Variants in RORA observed in about 807,000 individuals in gnomAD.
The protein encoded by RORA is nuclear receptor ROR-alpha.
In RORA, 7 loss-of-function variants were observed where a neutral mutation model predicts 69.5. The ratio of observed to expected loss-of-function variants is 0.10; its 90% CI spans 0.06 to 0.19. The LOEUF is 0.19. RORA is among the 10% of genes least tolerant of loss of function. The pLI is 1.00. For synonymous variants in RORA, 261 were observed against 240.8 expected, an observed-to-expected ratio of 1.08 and a Z score of -0.78; for missense variants, 457 against 663.0, an observed-to-expected ratio of 0.69 and a Z score of 3.41.
chr15:61,070,703 C>A (rs2078329031), intron 1 of RORA, among the ~76,000 whole-genome samples: 1 of 152,172 alleles, frequency 6.6e-6, no homozygotes, highest in Admixed American at 6.5e-5. Flanking sequence ...ACTGAAGCTC[C>A]AAAAGGTTTA....
Position 60,660,563 on chromosome 15 carries a change from C to T in RORA, c.196+18094G>A, listed in dbSNP as rs118167072. ...GAAATCTACCTGCATATGCTGGCAA[C>T]GAGGACATCTTTGAAAACAGAGCTA... On this transcript the variant is annotated intron_variant, in intron 2 of 10. Transcript: ENST00000335670. 5.8e-4 allele frequency among the ~76,000 whole-genome samples: 88 copies of T among 152,226 alleles called. 2 individuals are homozygous for T. The East Asian group carries it at 0.016, about 27-fold the overall frequency.
At chr15:60,910,274 T>C (rs1891666267) in intron 1 of RORA, among the ~76,000 whole-genome samples, 1 of 152,172 alleles carries the variant, frequency 6.6e-6, no homozygotes, top group Non-Finnish European at 1.5e-5. Flanking sequence ...CTGACTGGAT[T>C]CCCTAAACCA....
rs750899353 is a variant in RORA, at chr15:61,131,782, A to C, written c.166+97271T>G. Among the ~76,000 whole-genome samples the C allele has an allele frequency of 1.3e-5, 2 of 152,240 alleles. No individual in the cohort carries two copies. Among genetic ancestry groups the C allele is most frequent in the Non-Finnish European group, 2.9e-5 (2 of 68,040 alleles). On this transcript the variant is annotated intron_variant, in intron 1 of 10. Coordinates refer to ENST00000335670, the MANE Select transcript of RORA (RefSeq NM_134261.3). The surrounding 1 kb of genome is among the most constrained non-coding windows in gnomAD (Gnocchi z 4.2). ...AGGGCTGGGGAAGGAGTAGGGCAGG[A>C]GTGAGAAAAATGAAACTGGACTCCA...
chr15:60,757,004 T>C (rs2071811240), intron 1 of RORA, among the ~76,000 whole-genome samples: 1 of 152,242 alleles, frequency 6.6e-6, no homozygotes, highest in African/African-American at 2.4e-5. Flanking sequence ...ATAAAATCTT[T>C]AATATACACT....
intron 1 of RORA, among the ~76,000 whole-genome samples, chr15:61,058,230 G>A (rs2078122773): frequency 6.6e-6 from 1 of 152,230 alleles, no homozygotes; most frequent in South Asian, 2.1e-4. Context: ...TTTTAGATGA[G>A]GGAAATATAG....
At chr15:61,053,530 T>C (rs1214893486) in intron 1 of RORA, among the ~76,000 whole-genome samples, 2 of 151,944 alleles carry the variant, frequency 1.3e-5, no homozygotes, top group Non-Finnish European at 2.9e-5. Flanking sequence ...CAGCTACAAA[T>C]GGGCAGATGC....
intron 1 of RORA, among the ~76,000 whole-genome samples, chr15:60,747,478 T>G (rs910078939): frequency 6.6e-6 from 1 of 152,224 alleles, no homozygotes; most frequent in African/African-American, 2.4e-5. Context: ...TTAGCCTCGA[T>G]CTATTAAATA....
intron 1 of RORA, among the ~76,000 whole-genome samples, chr15:60,773,354 T>C (rs11633029): frequency 0.2 from 30,967 of 152,066 alleles, 3,692 homozygotes; most frequent in African/African-American, 0.34. Context: ...GATGTACATA[T>C]TTGTTTTCTG....
At chr15:60,525,890 C>T (rs1205338191) in intron 3 of RORA, among the ~76,000 whole-genome samples, 2 of 152,002 alleles carry the variant, frequency 1.3e-5, no homozygotes, top group African/African-American at 4.8e-5. Context: ...AGAAATATCT[C>T]TGGATCAGTG....
intron 1 of RORA, among the ~76,000 whole-genome samples, chr15:61,001,578 G>A (rs183790198): frequency 2.6e-5 from 4 of 152,182 alleles, no homozygotes; most frequent in African/African-American, 9.7e-5. Flanking sequence ...AGGCCACATG[G>A]GTAGATTGTG....
At chr15:60,686,568 T>G (rs895200161) in intron 1 of RORA, among the ~76,000 whole-genome samples, 5 of 152,246 alleles carry the variant, frequency 3.3e-5, no homozygotes, top group African/African-American at 7.2e-5. Context: ...ATCAACACTT[T>G]CAGCTTAGCC....
chr15:61,171,406 C>T (rs1257288569), intron 1 of RORA, among the ~76,000 whole-genome samples: 1 of 152,180 alleles, frequency 6.6e-6, no homozygotes, highest in Non-Finnish European at 1.5e-5. Flanking sequence ...GGCCCCACCC[C>T]CAGAGTTCAG....
chr15:61,059,535 G>A (rs1272378769), intron 1 of RORA, among the ~76,000 whole-genome samples: 1 of 152,120 alleles, frequency 6.6e-6, no homozygotes, highest in African/African-American at 2.4e-5. Flanking sequence ...GGAAGAATAG[G>A]GATTTGTAGA....
In RORA at chr15:61,161,361, G is replaced by A. The variant is rs534224720; in HGVS notation, c.166+67692C>T. Among the ~76,000 whole-genome samples the A allele has an allele frequency of 4.3e-4, 65 of 152,268 alleles. No homozygotes were observed. In the South Asian group the frequency reaches 4.8e-3, roughly 11 times the overall value. ...ATGATATAAAATCGGAAGAATTTGCGTTTTGGATTTGAGAGACCTGGGTTC... is the reference window on the plus strand; with the variant it reads ...ATGATATAAAATCGGAAGAATTTGCATTTTGGATTTGAGAGACCTGGGTTC... On this transcript the variant is annotated intron_variant, in intron 1 of 10. Transcript: ENST00000335670.
intron 1 of RORA, among the ~76,000 whole-genome samples, chr15:61,100,211 C>T (rs7169109): frequency 0.16 from 23,774 of 150,944 alleles, 2,121 homozygotes; most frequent in East Asian, 0.35. Context: ...CCTCCGCCTC[C>T]GGGTTCCAGC....
rs181674008 is a variant in RORA at position 60,632,098 on chromosome 15, T to C, written c.196+46559A>G. ...TATGTGTAGTAGCTACTTAAATTCA[T>C]GTTTCACTACCTATTTTTTTTTTTT... On this transcript the variant is annotated intron_variant, in intron 2 of 10. Transcript: ENST00000335670. Among the ~76,000 whole-genome samples, 11 of 140,740 alleles carry C rather than the reference T, an allele frequency of 7.8e-5. No homozygotes were observed. In the East Asian group the frequency reaches 2.1e-3, roughly 27 times the overall value. 92.3% of individuals were successfully genotyped at this position (140,740 alleles called of 152,430 possible).
In RORA at chr15:60,904,424, G is replaced by A. The variant is rs72752731; in HGVS notation, c.167-225738C>T. ...GACAAGTATGATGGCTTGAAGAGGA[G>A]ACTGCAGGCAGAAGTCAGGAGACAG... On this transcript the variant is annotated intron_variant, in intron 1 of 10. Transcript: ENST00000335670. Among the ~76,000 whole-genome samples the A allele has an allele frequency of 5.8e-3, 878 of 152,326 alleles. 6 individuals are homozygous for A. Among genetic ancestry groups the A allele is most frequent in the Non-Finnish European group, 8.9e-3 (607 of 68,032 alleles).
intron 1 of RORA, among the ~76,000 whole-genome samples, chr15:60,922,044 G>A (rs530962164): frequency 3.9e-5 from 6 of 152,022 alleles, no homozygotes; most frequent in African/African-American, 7.2e-5. Context: ...CTCCCCAACC[G>A]TTAAAAAATA....
intron 2 of RORA, chr15:60,627,138 C>T (rs1166618077): frequency 6.0e-6 from 6 of 1,005,790 alleles, no homozygotes; most frequent in Non-Finnish European, 9.0e-6. Flanking sequence ...GTCAGATATT[C>T]TTGGAGAACT....
Sources: allele counts gnomAD v4.1 joint callset (sites outside exome capture counted in the v4.1 genomes callset), GRCh38; gene constraint gnomAD v4.1.1; non-coding constraint Gnocchi (gnomAD v3.1); transcripts MANE v1.5; gene names NCBI Gene and HGNC (gene_info 2026-07-23, HGNC 2026-07-21).